TTLL11: variants seen among roughly 807,000 people sequenced by gnomAD.
The protein encoded by TTLL11 is tubulin tyrosine ligase like 11.
TTLL11 carries 42 observed loss-of-function variants against 51.7 expected under a neutral mutation model. The ratio of observed to expected loss-of-function variants is 0.81; its 90% CI spans 0.64 to 1.05. TTLL11 has a LOEUF of 1.05. Among genes scored for constraint, TTLL11 ranks in the 50% least tolerant of loss-of-function variants. The probability of loss-of-function intolerance (pLI) is 0.00; values close to 1 mark genes in which losing one functional copy is unlikely to be tolerated. For missense variants in TTLL11, 799 were observed against 940.4 expected, an observed-to-expected ratio of 0.85 and a Z score of 1.97; for synonymous variants, 381 against 383.5, an observed-to-expected ratio of 0.99 and a Z score of 0.08.
At chr9:121,884,174 G>C (rs1335145001) in intron 6 of TTLL11, among the ~76,000 whole-genome samples, 7 of 152,168 alleles carry the variant, frequency 4.6e-5, no homozygotes, top group African/African-American at 1.7e-4. Flanking sequence ...CAGAGGGACA[G>C]CCCTAAGGAG....
At chr9:122,056,425 A>G (rs1303308589) in intron 1 of TTLL11, among the ~76,000 whole-genome samples, 1 of 152,158 alleles carries the variant, frequency 6.6e-6, no homozygotes, top group Non-Finnish European at 1.5e-5. Flanking sequence ...TAGATATATT[A>G]TTTTCACTTT....
rs1310765913 is a variant in TTLL11, at chr9:122,074,240, C to T, written c.462+18447G>A. Among the ~76,000 whole-genome samples, 3 of 150,230 alleles carry T rather than the reference C, an allele frequency of 2.0e-5. No homozygotes were observed. The East Asian group carries it at 5.9e-4, about 29-fold the overall frequency. ...AGTGAGCCGAGATCGTGCCACTGCA[C>T]TCCAGCCTGGGCGACAGAGCAAGGC... On this transcript the variant is annotated intron_variant, in intron 1 of 8. Coordinates refer to ENST00000321582, the MANE Select transcript of TTLL11 (RefSeq NM_001139442.2).
chr9:122,025,224 G>A (rs988498348), intron 3 of TTLL11, among the ~76,000 whole-genome samples: 1 of 152,110 alleles, frequency 6.6e-6, no homozygotes, highest in Non-Finnish European at 1.5e-5. Context: ...TGGCAAACAA[G>A]CACATGAAAA....
intron 6 of TTLL11, among the ~76,000 whole-genome samples, chr9:121,875,503 G>C (rs368080616): frequency 6.6e-5 from 10 of 152,328 alleles, no homozygotes; most frequent in African/African-American, 2.4e-4. Context: ...ACGATGAAAA[G>C]AGTCTTCAAA....
chr9:121,938,440 CAT>C (rs1841313927), intron 6 of TTLL11, among the ~76,000 whole-genome samples: 1 of 151,576 alleles, frequency 6.6e-6, no homozygotes, highest in African/African-American at 2.4e-5. Context: ...AAAATAAGAC[CAT>C]ATAAAATTCA....
At chr9:121,950,259 C>T (rs901000039) in intron 6 of TTLL11, among the ~76,000 whole-genome samples, 1 of 152,146 alleles carries the variant, frequency 6.6e-6, no homozygotes, top group East Asian at 1.9e-4. Context: ...GTGTGTCACT[C>T]TTTGCAGGCA....
chr9:122,088,818 C>T (rs1454400654), intron 1 of TTLL11, among the ~76,000 whole-genome samples: 1 of 151,890 alleles, frequency 6.6e-6, no homozygotes, highest in African/African-American at 2.4e-5. Context: ...CCAGTCTGGC[C>T]AACATGGTGA....
Position 122,030,213 on chromosome 9 carries a change from G to C in TTLL11, c.693+1510C>G, listed in dbSNP as rs563577373. 5.7e-3 allele frequency among the ~76,000 whole-genome samples: 769 copies of C among 135,894 alleles called. 45 individuals are homozygous for C. The highest frequency in any genetic ancestry group is 8.2e-3 in the Non-Finnish European group (511 of 62,252). The allele number at this position is 135,894 out of a possible 152,430, so 89.2% of individuals were successfully genotyped here. On this transcript the variant is annotated intron_variant, in intron 3 of 8. Transcript: ENST00000321582. ...CAGAAGAGAGACATTGGGGGGGGGG[G>C]GGTAATTATGAGGAACAGCTGAGAG...
chr9:122,064,644 GC>G (rs1355610220), intron 1 of TTLL11, among the ~76,000 whole-genome samples: 1 of 152,146 alleles, frequency 6.6e-6, no homozygotes, highest in Non-Finnish European at 1.5e-5. Context: ...CATGGTTTCT[GC>G]TTTTGTTGAG....
intron 6 of TTLL11, among the ~76,000 whole-genome samples, chr9:121,877,332 C>T (rs1322389915): frequency 3.9e-5 from 6 of 152,208 alleles, no homozygotes; most frequent in African/African-American, 1.2e-4. Context: ...AGCTCTGTTG[C>T]TTGATAAATC....
chr9:121,925,647 G>A (rs1271300331), intron 6 of TTLL11, among the ~76,000 whole-genome samples: 1 of 152,080 alleles, frequency 6.6e-6, no homozygotes, highest in African/African-American at 2.4e-5. Context: ...TTTCCCTTAG[G>A]TTCCCATGCC....
intron 6 of TTLL11, among the ~76,000 whole-genome samples, chr9:121,896,434 G>C (rs751264890): frequency 1.3e-5 from 2 of 152,160 alleles, no homozygotes; most frequent in Non-Finnish European, 2.9e-5. Context: ...GCTGCCCTCA[G>C]CTCTCCCATC....
intron 1 of TTLL11, among the ~76,000 whole-genome samples, chr9:122,080,137 T>C (rs968910658): frequency 6.6e-6 from 1 of 152,206 alleles, no homozygotes; most frequent in South Asian, 2.1e-4. Context: ...CTTTGAACTA[T>C]GCACTTATGA....
intron 3 of TTLL11, among the ~76,000 whole-genome samples, chr9:122,007,000 A>AC (rs1843673365): frequency 8.0e-5 from 12 of 149,326 alleles, no homozygotes; most frequent in African/African-American, 3.1e-4. Flanking sequence ...AAAAAAAAAA[A>AC]AAAAAAAAAC....
chr9:121,965,213 T>C (rs538000233), intron 6 of TTLL11, among the ~76,000 whole-genome samples: 1 of 152,190 alleles, frequency 6.6e-6, no homozygotes, highest in African/African-American at 2.4e-5. Context: ...AACTCTCATG[T>C]ATTAGTCTGT....
At chr9:121,838,493 C>T (rs751404477) in intron 8 of TTLL11, among the ~76,000 whole-genome samples, 8 of 152,120 alleles carry the variant, frequency 5.3e-5, no homozygotes, top group Non-Finnish European at 7.4e-5. Context: ...CCGAGGTGGG[C>T]GGATCACCTG....
At chr9:121,875,976 C>T (rs532389562) in intron 6 of TTLL11, among the ~76,000 whole-genome samples, 26 of 152,304 alleles carry the variant, frequency 1.7e-4, no homozygotes, top group African/African-American at 6.0e-4. Flanking sequence ...TATCAAGGGC[C>T]TACTACATGT....
intron 6 of TTLL11, among the ~76,000 whole-genome samples, chr9:121,877,709 T>A (rs536481115): frequency 1.3e-5 from 2 of 152,268 alleles, no homozygotes; most frequent in South Asian, 2.1e-4. Flanking sequence ...TTTAAAAAAA[T>A]TTAATCTTGA....
At chr9:122,038,560 A>G (rs1844761974) in intron 2 of TTLL11, among the ~76,000 whole-genome samples, 1 of 152,140 alleles carries the variant, frequency 6.6e-6, no homozygotes, top group South Asian at 2.1e-4. Flanking sequence ...GAGGCAGGAG[A>G]ATTGCTTGAA....
Sources: gnomAD v4.1 joint callset for allele counts (sites outside exome capture counted in the v4.1 genomes callset) on GRCh38, gnomAD v4.1.1 for gene constraint, MANE v1.5 for transcripts, NCBI Gene and HGNC (gene_info 2026-07-23, HGNC 2026-07-21) for gene names.